The following TNFRSF11A variants were observed in gnomAD, a reference collection of about 807,000 sequenced individuals.
The protein encoded by TNFRSF11A is TNF receptor superfamily member 11a, also known as tumor necrosis factor receptor superfamily member 11A.
In TNFRSF11A, 32 loss-of-function variants were observed where a neutral mutation model predicts 55.7. The observed-to-expected ratio is 0.57, with a 90% CI of 0.43 to 0.77. TNFRSF11A has a LOEUF of 0.77. Among genes scored for constraint, TNFRSF11A ranks in the 30% least tolerant of loss-of-function variants. The probability of loss-of-function intolerance (pLI) is 0.00; values close to 1 mark genes in which losing one functional copy is unlikely to be tolerated. For synonymous variants in TNFRSF11A, 311 were observed against 331.0 expected (o/e 0.94, Z 0.65); for missense variants, 753 against 809.8 (o/e 0.93, Z 0.85).
At chr18:62,361,961 C>G (rs924967108) in intron 7 of TNFRSF11A, among the ~76,000 whole-genome samples, 168 bp downstream of exon 7, 3 of 152,158 alleles carry the variant, frequency 2.0e-5, no homozygotes, top group Non-Finnish European at 2.9e-5. Flanking sequence ...ACTCCAAAAA[C>G]TTGAAAAAGC....
At chr18:62,366,587 A>G in intron 7 of TNFRSF11A, 121 bp from the exon 8 acceptor site, 1 of 1,066,692 alleles carries the variant, frequency 9.4e-7, no homozygotes, top group South Asian at 1.3e-5. Flanking sequence ...TAACCATTTT[A>G]CTATCTATAT....
Position 62,325,357 on chromosome 18 carries a change from C to G in TNFRSF11A, c.5C>G (p.Ala2Gly). ...CCCGCCAGCCTGTCCCGCGCCATGG[C>G]CCCGCGCGCCCGGCGGCGCCGCCCG... M[A>G]PRARRRRPLF... Residue 2 changes from alanine to glycine, a missense_variant, in exon 1 of 10, where the codon GCC (alanine) becomes GGC (glycine). This residue lies in a region of TNFRSF11A where 156 missense variants were observed against 155.1 expected (regional missense o/e 1.01). Transcript: ENST00000586569. The surrounding 1 kb of genome is among the most constrained non-coding windows in gnomAD (Gnocchi z 4.7). 1 of 1,024,988 alleles carries G rather than the reference C, an allele frequency of 9.8e-7. No individual in the cohort carries two copies. Among genetic ancestry groups the G allele is most frequent in the Non-Finnish European group, 1.2e-6 (1 of 859,678 alleles). 63.5% of individuals were successfully genotyped at this position (1,024,988 alleles called of 1,614,324 possible). A position where few individuals can be genotyped will look rare whatever the true frequency, so the allele number is the denominator to read the frequency against.
rs1233708172 is a variant in TNFRSF11A, at chr18:62,387,470, C to T, written c.*2436C>T. 1.3e-5 allele frequency: 2 copies of T among 152,148 alleles called. No individual in the cohort carries two copies. Among genetic ancestry groups the T allele is most frequent in the Non-Finnish European group, 2.9e-5 (2 of 68,022 alleles). 9.4% of individuals were successfully genotyped at this position (152,148 alleles called of 1,614,324 possible). ...AGCTCACTGTAAAATCATGATCCAA[C>T]TTATTGCTAATCTTTATGATATGCT... is the stretch of plus-strand genomic sequence containing the variant. On this transcript the variant is annotated 3_prime_UTR_variant, in exon 10 of 10. Transcript: ENST00000586569.
At chr18:62,366,907 G>A in intron 8 of TNFRSF11A, 147 bp downstream of exon 8, 1 of 841,178 alleles carries the variant, frequency 1.2e-6, no homozygotes, top group South Asian at 1.4e-5. Context: ...GGAGTGCAGG[G>A]GTGCAATCTC....
chr18:62,356,388 A>G (rs921188245), intron 4 of TNFRSF11A, among the ~76,000 whole-genome samples: 1 of 152,238 alleles, frequency 6.6e-6, no homozygotes, highest in Admixed American at 6.5e-5. Context: ...GGATCTCCCT[A>G]TCACAGCCAA....
chr18:62,365,695 C>T (rs961889571), intron 7 of TNFRSF11A, among the ~76,000 whole-genome samples: 9 of 152,156 alleles, frequency 5.9e-5, no homozygotes, highest in Non-Finnish European at 1.2e-4. Flanking sequence ...CCCAAATGTG[C>T]CCAGAGGAAG....
intron 4 of TNFRSF11A, 79 bp downstream of exon 4, chr18:62,354,613 G>A (rs1909114700): frequency 1.3e-6 from 2 of 1,586,592 alleles, no homozygotes; most frequent in Non-Finnish European, 1.7e-6. Context: ...GATAATAGCA[G>A]CAAGAAAGCT....
At chr18:62,336,861 GC>G (rs2046241413) in intron 1 of TNFRSF11A, 1 of 152,184 alleles carries the variant, frequency 6.6e-6, no homozygotes, top group Non-Finnish European at 1.5e-5. Flanking sequence ...TTTCCCTTGG[GC>G]CATATGTTTT....
intron 9 of TNFRSF11A, among the ~76,000 whole-genome samples, chr18:62,372,526 A>G (rs1354048980): frequency 6.6e-6 from 1 of 151,240 alleles, no homozygotes; most frequent in Non-Finnish European, 1.5e-5. Context: ...AATTATTTCA[A>G]CTTTTATCTT....
Position 62,348,028 on chromosome 18 carries a change from C to T in TNFRSF11A, c.76-140C>T, listed in dbSNP as rs1403795951. 5 of 711,466 alleles carry T rather than the reference C, an allele frequency of 7.0e-6. No individual in the cohort carries two copies. In the East Asian group the frequency reaches 8.1e-5, roughly 12 times the overall value. The allele number at this position is 711,466 out of a possible 1,614,324, so 44.1% of individuals were successfully genotyped here. A position where few individuals can be genotyped will look rare whatever the true frequency, so the allele number is the denominator to read the frequency against. ...GAACTGAGATCACGCCATTGCACTCCAGCCTGGGCAACAAGAGCGAAACTC... is the reference window on the plus strand; with the variant it reads ...GAACTGAGATCACGCCATTGCACTCTAGCCTGGGCAACAAGAGCGAAACTC... On this transcript the variant is annotated intron_variant, in intron 1 of 9. Transcript: ENST00000586569.
rs1383234878 is a variant in TNFRSF11A, at chr18:62,369,033, T to A, written c.1116T>A (p.Pro372=). 6.2e-7 allele frequency: 1 copy of A among 1,614,148 alleles called. No individual in the cohort carries two copies. Among genetic ancestry groups the A allele is most frequent in the Admixed American group, 1.7e-5 (1 of 60,026 alleles). ...CTGAGCCTGGAAGCAAATCCACACC[T>A]CCTTTCTCTGAACCCCTGGAGGTGG... ...FLTEPGSKST[P]PFSEPLEVGE... Residue 372 remains proline, a synonymous_variant, in exon 9 of 10, where the codon CCT becomes CCA. Transcript: ENST00000586569.
chr18:62,369,278 G>C lies in TNFRSF11A; in HGVS notation c.1361G>C (p.Gly454Ala). 6.2e-7 allele frequency: 1 copy of C among 1,613,178 alleles called. No individual in the cohort carries two copies. The highest frequency in any genetic ancestry group is 1.1e-5 in the South Asian group (1 of 91,088). Residue 454 changes from glycine to alanine, a missense_variant, in exon 9 of 10, where the codon GGG becomes GCG. Physicochemically the swap from Gly to Ala is moderately conservative, Grantham distance 60 (BLOSUM62 0). Coordinates refer to ENST00000586569, the MANE Select transcript of TNFRSF11A (RefSeq NM_003839.4). ...TGCACAGGCTGCCGGAACCCTCCTG[G>C]GGAGGACTGTGAACCCCTCGTGGGT... ...DVCTGCRNPP[G>A]EDCEPLVGSP...
Position 62,368,709 on chromosome 18 carries a change from A to T in TNFRSF11A, c.792A>T (p.Ser264=). ...TGAATGTAAATCGGCAGGAGTCCTC[A>T]GGTGACAGTTGTGTCAGTACACACA... The part of the protein sequence containing the change: ...CGRLSGDKES[S]GDSCVSTHTA... The change falls in exon 9 of 10, where the codon TCA becomes TCT. Residue 264 remains serine (S), a synonymous_variant. Transcript: ENST00000586569. 1 of 1,614,246 alleles carries T rather than the reference A, an allele frequency of 6.2e-7. No individual in the cohort carries two copies. Among genetic ancestry groups the T allele is most frequent in the Non-Finnish European group, 8.5e-7 (1 of 1,180,042 alleles).
chr18:62,348,058 CAAA>C (rs201661953), intron 1 of TNFRSF11A, 107 bp from the exon 2 acceptor site: 19,871 of 616,882 alleles, frequency 0.032, no homozygotes, highest in Non-Finnish European at 0.039. Context: ...AAACTCCATT[CAAA>C]AAAAAAAAAA....
intron 5 of TNFRSF11A, 111 bp from the exon 6 acceptor site, chr18:62,359,844 C>A: frequency 1.2e-6 from 1 of 869,354 alleles, no homozygotes; most frequent in Non-Finnish European, 1.9e-6. Context: ...TCCAAGAAGG[C>A]GTGGGTTCCT....
intron 1 of TNFRSF11A, among the ~76,000 whole-genome samples, chr18:62,340,511 A>G (rs539030907): frequency 1.0e-3 from 151 of 151,400 alleles, no homozygotes; most frequent in Non-Finnish European, 2.1e-3. Context: ...TTTTTAATCA[A>G]TTATAATATT....
At chr18:62,384,376 C>T (rs1401355376) in intron 9 of TNFRSF11A, among the ~76,000 whole-genome samples, 1 of 141,866 alleles carries the variant, frequency 7.0e-6, no homozygotes, top group Non-Finnish European at 1.6e-5. Flanking sequence ...TCTCCTCCTC[C>T]TCTTCCTCCC....
chr18:62,348,167 G>A lies in TNFRSF11A; in HGVS notation c.76-1G>A, dbSNP rs201147084. ...CTGCCTGACCTCAGTGTTCTTTTCAGGTGGCTTTGCAGATCGCTCCTCCAT... is the reference window on the plus strand; with the variant it reads ...CTGCCTGACCTCAGTGTTCTTTTCAAGTGGCTTTGCAGATCGCTCCTCCAT... On this transcript the variant is annotated splice_acceptor_variant, in intron 1 of 9. Transcript: ENST00000586569. LOFTEE classifies it high-confidence loss of function. 3 of 1,613,696 alleles carry A rather than the reference G, an allele frequency of 1.9e-6. No individual in the cohort carries two copies. The highest frequency in any genetic ancestry group is 2.5e-6 in the Non-Finnish European group (3 of 1,179,810).
At chr18:62,354,065 T>G (rs779470865) in intron 3 of TNFRSF11A, among the ~76,000 whole-genome samples, 10 of 152,246 alleles carry the variant, frequency 6.6e-5, no homozygotes, top group Non-Finnish European at 1.5e-4. Context: ...CTCAACTCTG[T>G]GACCCTTCTG....
Sources: allele counts gnomAD v4.1 joint callset (sites outside exome capture counted in the v4.1 genomes callset), GRCh38; gene constraint gnomAD v4.1.1; regional missense constraint gnomAD v4.1.1; non-coding constraint Gnocchi (gnomAD v3.1); transcripts MANE v1.5; gene names NCBI Gene and HGNC (gene_info 2026-07-23, HGNC 2026-07-21).